VCAN: variants seen among roughly 807,000 people sequenced by gnomAD.
VCAN encodes the protein versican core protein.
VCAN carries 44 observed loss-of-function variants against 245.5 expected under a neutral mutation model. The observed-to-expected ratio is 0.18, with a 90% CI of 0.14 to 0.23. The LOEUF is 0.23. Among genes scored for constraint, VCAN ranks in the 10% least tolerant of loss-of-function variants. The probability of loss-of-function intolerance (pLI) is 1.00; values close to 1 mark genes in which losing one functional copy is unlikely to be tolerated. For missense variants in VCAN, 3,793 were observed against 4,057.9 expected, an observed-to-expected ratio of 0.93 and a Z score of 1.77; for synonymous variants, 1,413 against 1,437.0, an observed-to-expected ratio of 0.98 and a Z score of 0.38.
At chr5:83,554,158 A>G (rs1032998191) in intron 11 of VCAN, among the ~76,000 whole-genome samples, 5 of 152,184 alleles carry the variant, frequency 3.3e-5, no homozygotes, top group African/African-American at 1.2e-4. Flanking sequence ...AATATGTAGA[A>G]ATTTGTTGCT....
At position 83,553,457 on chromosome 5, in the gene VCAN, A is replaced by G. The variant is rs1747549027; in HGVS notation, c.9587A>G (p.Glu3196Gly). ...CGCACATGGGATGCAGCTGAACGGG[A>G]ATGCCGTCTGCAGGGTGCCCATCTC... is the stretch of plus-strand genomic sequence containing the variant. ...HRRTWDAAER[E>G]CRLQGAHLTS... Residue 3196 changes from glutamate to glycine, a missense_variant, in exon 11 of 15, where the codon GAA becomes GGA. Transcript: ENST00000265077. The G allele has an allele frequency of 1.2e-6, 2 of 1,614,010 alleles. No individual in the cohort carries two copies. Among genetic ancestry groups the G allele is most frequent in the Admixed American group, 3.3e-5 (2 of 60,004 alleles).
chr5:83,539,258 A>G lies in VCAN; in HGVS notation c.6255A>G (p.Ser2085=), dbSNP rs1320623897. 5 of 1,614,072 alleles carry G rather than the reference A, an allele frequency of 3.1e-6. No individual in the cohort carries two copies. Among genetic ancestry groups the G allele is most frequent in the African/African-American group, 1.3e-5 (1 of 75,054 alleles). The change falls in exon 8 of 15, where the codon TCA becomes TCG. Residue 2085 remains serine (S), a synonymous_variant. Coordinates refer to ENST00000265077, the MANE Select transcript of VCAN (RefSeq NM_004385.5). ...KEEVKVSGTV[S]TNFPQTIEPA... ...AAGTAAAGGTCAGTGGCACAGTTTCAACAAACTTTCCCCAAACTATAGAGC... is the reference window on the plus strand; with the variant it reads ...AAGTAAAGGTCAGTGGCACAGTTTCGACAAACTTTCCCCAAACTATAGAGC...
At chr5:83,579,628 G>A (rs1371710878) in intron 13 of VCAN, among the ~76,000 whole-genome samples, 1 of 152,112 alleles carries the variant, frequency 6.6e-6, no homozygotes, top group African/African-American at 2.4e-5. Context: ...CCCAAGTGAA[G>A]GTAATTAAGA....
At chr5:83,516,060 A>G (rs62362556) in intron 6 of VCAN, among the ~76,000 whole-genome samples, 14,809 of 152,180 alleles carry the variant, frequency 0.097, 806 homozygotes, top group African/African-American at 0.14. Context: ...GTGAAACCCC[A>G]TCTCTACTAA....
rs1343788478 is a variant in VCAN, at chr5:83,493,811, A to G, written c.628A>G (p.Ile210Val). The change falls in exon 5 of 15, where the codon ATC (isoleucine) becomes GTC (valine). Residue 210 changes from isoleucine (I) to valine (V), a missense_variant. Ile to Val is a conservative substitution (Grantham distance 29). Transcript: ENST00000265077. ...AGCCATTTATTTCCCCAGATATCCC[A>G]TCCGGGCTCCCAGAGTAGGCTGTTA... The part of the protein sequence containing the change: ...WLADQTVRYP[I>V]RAPRVGCYGD... 1 of 1,614,042 alleles carries G rather than the reference A, an allele frequency of 6.2e-7. No individual in the cohort carries two copies. Among genetic ancestry groups the G allele is most frequent in the Non-Finnish European group, 8.5e-7 (1 of 1,180,028 alleles).
intron 7 of VCAN, among the ~76,000 whole-genome samples, chr5:83,530,538 A>G (rs1746478427): frequency 6.6e-6 from 1 of 152,170 alleles, no homozygotes; most frequent in Non-Finnish European, 1.5e-5. Context: ...AAAGAAAAGG[A>G]GAAAGAAATG....
chr5:83,474,436 C>A (rs1013709713), intron 1 of VCAN, among the ~76,000 whole-genome samples: 3 of 152,152 alleles, frequency 2.0e-5, no homozygotes, highest in African/African-American at 7.2e-5. Flanking sequence ...AGAGGCGTGC[C>A]GGGATGGAAG....
chr5:83,531,386 A>C (rs1346883023), intron 7 of VCAN: 1 of 152,124 alleles, frequency 6.6e-6, no homozygotes, highest in Non-Finnish European at 1.5e-5. Flanking sequence ...CATATGCTTC[A>C]CATAGTAGGT....
intron 3 of VCAN, among the ~76,000 whole-genome samples, chr5:83,491,438 C>T (rs1299044186): frequency 6.6e-6 from 1 of 152,038 alleles, no homozygotes; most frequent in Admixed American, 6.6e-5. Flanking sequence ...CTTTCTGATA[C>T]CCTTTTATAT....
chr5:83,515,743 A>G (rs1451473348), intron 6 of VCAN, among the ~76,000 whole-genome samples: 1 of 152,168 alleles, frequency 6.6e-6, no homozygotes, highest in Non-Finnish European at 1.5e-5. Flanking sequence ...ATCCTATCTT[A>G]TATACTCATT....
intron 13 of VCAN, among the ~76,000 whole-genome samples, chr5:83,574,260 C>T (rs1393232752): frequency 2.6e-5 from 4 of 152,174 alleles, no homozygotes; most frequent in Non-Finnish European, 5.9e-5. Context: ...TCTCTAGAAA[C>T]ACTCTGAGAC....
chr5:83,531,834 G>A (rs527423196), intron 7 of VCAN, among the ~76,000 whole-genome samples: 9 of 151,610 alleles, frequency 5.9e-5, no homozygotes, highest in African/African-American at 1.2e-4. Context: ...TAGCAATAAA[G>A]CTTTGTGTGA....
intron 1 of VCAN, among the ~76,000 whole-genome samples, chr5:83,475,631 GTC>G (rs1744361969): frequency 6.6e-6 from 1 of 152,228 alleles, no homozygotes; most frequent in Non-Finnish European, 1.5e-5. Flanking sequence ...GTCTCCAAGA[GTC>G]TGACTTCTTG....
intron 6 of VCAN, among the ~76,000 whole-genome samples, chr5:83,513,531 C>T (rs1261349460): frequency 2.0e-5 from 3 of 152,154 alleles, no homozygotes; most frequent in Non-Finnish European, 4.4e-5. Context: ...GCTAAGAAGC[C>T]TCTGCTCTGA....
Position 83,580,506 on chromosome 5 carries a change from C to T in VCAN, c.*72C>T. The stretch of plus-strand genomic sequence containing the variant: ...TAACTTCCTGTGCCTTTCCTATCAC[C>T]TCGAGAAGTAATTATCAGTTGGTTT... On this transcript the variant is annotated 3_prime_UTR_variant, in exon 15 of 15. Coordinates refer to ENST00000265077, the MANE Select transcript of VCAN (RefSeq NM_004385.5). 1 of 1,596,010 alleles carries T rather than the reference C, an allele frequency of 6.3e-7. No homozygotes were observed. The highest frequency in any genetic ancestry group is 8.5e-7 in the Non-Finnish European group (1 of 1,170,042).
intron 12 of VCAN, among the ~76,000 whole-genome samples, chr5:83,564,179 T>C (rs1561272179): frequency 2.0e-5 from 3 of 152,170 alleles, no homozygotes; most frequent in Admixed American, 6.5e-5. Flanking sequence ...AGACAATCTT[T>C]TATTTTTTAT....
intron 12 of VCAN, among the ~76,000 whole-genome samples, chr5:83,563,270 T>G (rs1256382531): frequency 6.6e-6 from 1 of 152,134 alleles, no homozygotes; most frequent in East Asian, 1.9e-4. Flanking sequence ...AGACTAACCT[T>G]AAGCAAGTAC....
At position 83,520,628 on chromosome 5, in the gene VCAN, A is replaced by T. The variant is rs1167355730; in HGVS notation, c.2322A>T (p.Pro774=). Residue 774 remains proline, a synonymous_variant, in exon 7 of 15, where the codon CCA becomes CCT. Coordinates refer to ENST00000265077, the MANE Select transcript of VCAN (RefSeq NM_004385.5). ...RDMEEDFTAT[P]GTTKYDENIT... Reference sequence around the variant, plus strand: ...TGGAGGAAGACTTTACAGCAACTCCAGGTACTACAAAATATGATGAAAATA... The same window carrying T: ...TGGAGGAAGACTTTACAGCAACTCCTGGTACTACAAAATATGATGAAAATA... 1 of 1,614,014 alleles carries T rather than the reference A, an allele frequency of 6.2e-7. No individual in the cohort carries two copies. The highest frequency in any genetic ancestry group is 1.3e-5 in the African/African-American group (1 of 75,064).
At chr5:83,527,367 C>G (rs1157851102) in intron 7 of VCAN, among the ~76,000 whole-genome samples, 1 of 152,180 alleles carries the variant, frequency 6.6e-6, no homozygotes, top group Non-Finnish European at 1.5e-5. Context: ...GTTCCTTTTC[C>G]TGAGCTCCAG....
Sources: allele counts gnomAD v4.1 joint callset (sites outside exome capture counted in the v4.1 genomes callset), GRCh38; gene constraint gnomAD v4.1.1; transcripts MANE v1.5; gene names NCBI Gene and HGNC (gene_info 2026-07-23, HGNC 2026-07-21).